Variants in ATP8A2 observed in about 807,000 individuals in gnomAD.
The protein encoded by ATP8A2 is phospholipid-transporting ATPase IB.
A neutral mutation model predicts 165.6 loss-of-function variants in ATP8A2; 100 were observed. That is an observed-to-expected ratio of 0.60 (90% CI 0.51 to 0.71). The LOEUF (loss-of-function observed/expected upper bound fraction) is 0.71. ATP8A2 is among the 30% of genes least tolerant of loss of function. The pLI is 0.00. For synonymous variants in ATP8A2, 543 were observed against 548.8 expected (o/e 0.99, Z 0.15); for missense variants, 1,227 against 1,479.5 (o/e 0.83, Z 2.80).
chr13:25,522,845 C>T (rs1308900167), intron 2 of ATP8A2, among the ~76,000 whole-genome samples: 4 of 152,096 alleles, frequency 2.6e-5, no homozygotes, highest in South Asian at 2.1e-4. Flanking sequence ...ATCTACTGGA[C>T]GGGCATGGTG....
chr13:25,851,256 A>G (rs1281451490), intron 30 of ATP8A2, among the ~76,000 whole-genome samples: 2 of 152,228 alleles, frequency 1.3e-5, no homozygotes. Flanking sequence ...ATTGAATGCC[A>G]GTAGCATTCA....
chr13:25,721,084 T>G (rs1480278853), intron 25 of ATP8A2, among the ~76,000 whole-genome samples: 1 of 150,406 alleles, frequency 6.6e-6, no homozygotes, highest in East Asian at 2.0e-4. Context: ...GCCTCCCGAA[T>G]AGCTGTGGCT....
rs1054536040 is a variant in ATP8A2, at chr13:25,699,274, C to T, written c.2313C>T (p.Tyr771=). 8.1e-6 allele frequency: 13 copies of T among 1,613,642 alleles called. No individual in the cohort carries two copies. The highest frequency in any genetic ancestry group is 2.2e-5 in the South Asian group (2 of 90,978). ...ALIIDGHTLK[Y]ALSFEVRRSF... ...TCATCGATGGCCACACCCTGAAGTA[C>T]GCGCTCTCCTTCGAAGTCCGGAGGA... The change falls in exon 25 of 37, where the codon TAC becomes TAT. Residue 771 remains tyrosine (Y), a synonymous_variant. Transcript: ENST00000381655.
chr13:25,693,412 C>A (rs181014406), intron 24 of ATP8A2, among the ~76,000 whole-genome samples: 7 of 152,206 alleles, frequency 4.6e-5, no homozygotes, highest in Admixed American at 1.3e-4. Flanking sequence ...GAATTAAACT[C>A]AAAGTAGAGG....
chr13:25,868,328 A>G (rs1049663261), intron 33 of ATP8A2, among the ~76,000 whole-genome samples: 1 of 152,222 alleles, frequency 6.6e-6, no homozygotes, highest in African/African-American at 2.4e-5. Flanking sequence ...ATTAATCTTT[A>G]ATGCAATATT....
At chr13:25,862,504 G>A in intron 33 of ATP8A2, 96 bp downstream of exon 33, 4 of 883,988 alleles carry the variant, frequency 4.5e-6, no homozygotes, top group Non-Finnish European at 7.5e-6. Context: ...TTACAGCCAC[G>A]ATGAGCTTCA....
intron 2 of ATP8A2, among the ~76,000 whole-genome samples, chr13:25,502,211 A>G (rs1428233220): frequency 3.3e-5 from 5 of 152,160 alleles, no homozygotes; most frequent in Non-Finnish European, 5.9e-5. Context: ...GTCATGTGTC[A>G]TTGTGGATAG....
chr13:25,396,229 C>G (rs1024379792), intron 1 of ATP8A2, among the ~76,000 whole-genome samples: 1 of 152,198 alleles, frequency 6.6e-6, no homozygotes, highest in Non-Finnish European at 1.5e-5. Context: ...AGCCTATCTT[C>G]CTTCTTGGTG....
intron 33 of ATP8A2, among the ~76,000 whole-genome samples, chr13:25,880,561 G>A (rs1952953199): frequency 6.6e-6 from 1 of 152,126 alleles, no homozygotes; most frequent in Non-Finnish European, 1.5e-5. Flanking sequence ...TTTTGTTTTT[G>A]CAGCAGAATT....
At chr13:25,489,129 T>C (rs2137628234) in intron 2 of ATP8A2, among the ~76,000 whole-genome samples, 1 of 152,162 alleles carries the variant, frequency 6.6e-6, no homozygotes, top group South Asian at 2.1e-4. Context: ...CGATTGCTGG[T>C]GGTTATCGTT....
At chr13:25,902,947 AC>A (rs1162657426) in intron 33 of ATP8A2, among the ~76,000 whole-genome samples, 2 of 151,298 alleles carry the variant, frequency 1.3e-5, no homozygotes, top group African/African-American at 4.9e-5. Flanking sequence ...ATGCACACAC[AC>A]ACACACACAC....
At chr13:25,731,363 G>GAGAGAGGAAGGA (rs1288163719) in intron 25 of ATP8A2, among the ~76,000 whole-genome samples, 1 of 136,794 alleles carries the variant, frequency 7.3e-6, no homozygotes, top group African/African-American at 2.8e-5. Context: ...GAAAGAGAGA[G>GAGAGAGGAAGGA]AGGAAGGAAG....
At chr13:25,597,163 C>A (rs1465552137) in intron 24 of ATP8A2, among the ~76,000 whole-genome samples, 2 of 151,910 alleles carry the variant, frequency 1.3e-5, no homozygotes, top group African/African-American at 4.8e-5. Flanking sequence ...TGGATATAAA[C>A]CCTGTTTCAT....
Position 25,497,114 on chromosome 13 carries a change from A to G in ATP8A2, c.221+27993A>G, listed in dbSNP as rs113487472. On this transcript the variant is annotated intron_variant, in intron 2 of 36. Transcript: ENST00000381655. ...GTGAGCAGGTGGTGGGGTGTCCACA[A>G]TATGTGAAGTATCATGATCAACACA... Among the ~76,000 whole-genome samples the G allele has an allele frequency of 3.3e-3, 497 of 152,310 alleles. 5 individuals are homozygous for G. Among genetic ancestry groups the G allele is most frequent in the African/African-American group, 0.011 (465 of 41,572 alleles).
chr13:25,372,321 G>T lies in ATP8A2; in HGVS notation c.76+33G>T, dbSNP rs1371196237. The T allele has an allele frequency of 1.4e-6, 2 of 1,412,560 alleles. No homozygotes were observed. Among genetic ancestry groups the T allele is most frequent in the Non-Finnish European group, 1.9e-6 (2 of 1,066,404 alleles). The allele number at this position is 1,412,560 out of a possible 1,614,324, so 87.5% of individuals were successfully genotyped here. ...GGGAGGGGCGCGGCGAGGGAGGGTG[G>T]GCCCGGGGCGGGGGCGGCGCGGGGC... On this transcript the variant is annotated intron_variant, in intron 1 of 36. Transcript: ENST00000381655. This position sits in a 1 kb window ranked among gnomAD's most constrained non-coding sequence, Gnocchi z 4.8.
chr13:25,596,699 G>T (rs994159435), intron 24 of ATP8A2, among the ~76,000 whole-genome samples: 3 of 152,114 alleles, frequency 2.0e-5, no homozygotes, highest in Non-Finnish European at 2.9e-5. Flanking sequence ...TCAGTTTGAG[G>T]TTATTATGAA....
intron 1 of ATP8A2, among the ~76,000 whole-genome samples, chr13:25,447,084 T>C (rs1036849877): frequency 2.6e-5 from 4 of 152,202 alleles, no homozygotes; most frequent in Non-Finnish European, 5.9e-5. Flanking sequence ...AAATGTTAAC[T>C]TCAAATTGCT....
At chr13:25,752,342 T>G (rs762472165) in intron 25 of ATP8A2, among the ~76,000 whole-genome samples, 1 of 151,986 alleles carries the variant, frequency 6.6e-6, no homozygotes, top group Non-Finnish European at 1.5e-5. Flanking sequence ...ACCCCTGTAG[T>G]CCTAGCTACT....
intron 24 of ATP8A2, among the ~76,000 whole-genome samples, chr13:25,661,211 A>G (rs760218673): frequency 5.3e-5 from 8 of 152,184 alleles, no homozygotes; most frequent in Non-Finnish European, 1.2e-4. Flanking sequence ...TGGCCTGCCT[A>G]TCAGATACGG....
Sources: gnomAD v4.1 joint callset for allele counts (sites outside exome capture counted in the v4.1 genomes callset) on GRCh38, gnomAD v4.1.1 for gene constraint, Gnocchi (gnomAD v3.1) non-coding constraint, MANE v1.5 for transcripts, NCBI Gene and HGNC (gene_info 2026-07-23, HGNC 2026-07-21) for gene names.